Variants in CNTN5 observed in about 807,000 individuals in gnomAD.
CNTN5 encodes the protein contactin 5, also known as contactin-5.
In CNTN5, 77 loss-of-function variants were observed where a neutral mutation model predicts 129.1. That is an observed-to-expected ratio of 0.60 (90% CI 0.50 to 0.72). CNTN5 has a LOEUF of 0.72. Among genes scored for constraint, CNTN5 ranks in the 30% least tolerant of loss-of-function variants. The pLI is 0.00. For missense variants in CNTN5, 1,478 were observed against 1,328.8 expected, an observed-to-expected ratio of 1.11 and a Z score of -1.75; for synonymous variants, 509 against 465.6, an observed-to-expected ratio of 1.09 and a Z score of -1.20.
intron 1 of CNTN5, among the ~76,000 whole-genome samples, chr11:99,152,063 G>C (rs1285649721): frequency 6.6e-6 from 1 of 152,084 alleles, no homozygotes; most frequent in Non-Finnish European, 1.5e-5. Flanking sequence ...ATTGATATTG[G>C]AGAAATAATG....
chr11:99,170,915 C>A (rs1861117565), intron 1 of CNTN5, among the ~76,000 whole-genome samples: 1 of 152,096 alleles, frequency 6.6e-6, no homozygotes. Flanking sequence ...AATTTACAAC[C>A]TTTAGAAACA....
chr11:99,178,314 CCACACACACACACACACA>C (rs71046672), intron 1 of CNTN5, among the ~76,000 whole-genome samples: 12,514 of 125,576 alleles, frequency 0.1, 621 homozygotes, highest in African/African-American at 0.12. Flanking sequence ...GACCTCATCT[CCACACACACACACACACA>C]CACACACACA....
intron 13 of CNTN5, among the ~76,000 whole-genome samples, chr11:100,091,899 T>TGGA (rs1944801907): frequency 6.6e-6 from 1 of 152,126 alleles, no homozygotes; most frequent in Admixed American, 6.6e-5. Context: ...CTGCAGTTCC[T>TGGA]ACCTTATATG....
At chr11:99,293,141 GTTGAATGTTA>G (rs1380486585) in intron 1 of CNTN5, among the ~76,000 whole-genome samples, 35 of 151,946 alleles carry the variant, frequency 2.3e-4, no homozygotes, top group Non-Finnish European at 3.7e-4. Flanking sequence ...ATGAAGAGAT[GTTGAATGTTA>G]TTGAATGCCT....
intron 9 of CNTN5, among the ~76,000 whole-genome samples, chr11:100,048,893 T>A (rs1942820180): frequency 6.6e-6 from 1 of 151,920 alleles, no homozygotes; most frequent in South Asian, 2.1e-4. Context: ...AGATACAACA[T>A]AAACTAATTG....
intron 1 of CNTN5, among the ~76,000 whole-genome samples, chr11:99,035,520 T>C (rs1285763456): frequency 6.7e-6 from 1 of 149,766 alleles, no homozygotes; most frequent in Admixed American, 6.6e-5. Context: ...TTTACCATTA[T>C]GTAATGGCCT....
intron 3 of CNTN5, among the ~76,000 whole-genome samples, chr11:99,815,200 G>A (rs1356839699): frequency 1.3e-5 from 2 of 151,012 alleles, no homozygotes; most frequent in Admixed American, 6.6e-5. Flanking sequence ...CTTAAATGTA[G>A]CAAGGGGATG....
intron 3 of CNTN5, among the ~76,000 whole-genome samples, chr11:99,618,707 G>A (rs560282481): frequency 6.6e-6 from 1 of 152,042 alleles, no homozygotes; most frequent in Non-Finnish European, 1.5e-5. Context: ...GTTAACCTGG[G>A]ACTGTTGCTG....
intron 13 of CNTN5, among the ~76,000 whole-genome samples, chr11:100,176,742 A>T (rs1947978720): frequency 6.6e-6 from 1 of 152,068 alleles, no homozygotes; most frequent in African/African-American, 2.4e-5. Flanking sequence ...GGAATGGAAG[A>T]TGGAAGGGAG....
At chr11:99,720,531 C>T (rs752467770) in intron 3 of CNTN5, among the ~76,000 whole-genome samples, 5 of 152,066 alleles carry the variant, frequency 3.3e-5, no homozygotes, top group East Asian at 3.9e-4. Context: ...CTATGACAAA[C>T]CCCTGGCCAA....
intron 2 of CNTN5, among the ~76,000 whole-genome samples, chr11:99,410,022 G>A (rs1942317528): frequency 6.6e-6 from 1 of 152,188 alleles, no homozygotes; most frequent in African/African-American, 2.4e-5. Context: ...GTTTCTGGGA[G>A]TTATAAGGTG....
intron 1 of CNTN5, among the ~76,000 whole-genome samples, chr11:99,085,928 T>C (rs759733600): frequency 6.6e-6 from 1 of 152,140 alleles, no homozygotes; most frequent in African/African-American, 2.4e-5. Flanking sequence ...ATACTTACCA[T>C]TGTGTTCTAA....
At chr11:100,202,916 C>G (rs1948817208) in intron 15 of CNTN5, among the ~76,000 whole-genome samples, 1 of 151,898 alleles carries the variant, frequency 6.6e-6, no homozygotes, top group Non-Finnish European at 1.5e-5. Flanking sequence ...GAACGATGTT[C>G]CAAATCTGAT....
intron 1 of CNTN5, among the ~76,000 whole-genome samples, chr11:99,100,225 T>G (rs1866656934): frequency 6.6e-6 from 1 of 152,152 alleles, no homozygotes; most frequent in Admixed American, 6.5e-5. Flanking sequence ...TTTTTCTCTC[T>G]CTCTCTTTCT....
intron 2 of CNTN5, among the ~76,000 whole-genome samples, chr11:99,338,485 A>C (rs1403838256): frequency 6.6e-6 from 1 of 152,140 alleles, no homozygotes; most frequent in Non-Finnish European, 1.5e-5. Flanking sequence ...GGCAGAGAAC[A>C]GTTGTTCGTT....
At chr11:99,619,388 C>T (rs910786687) in intron 3 of CNTN5, among the ~76,000 whole-genome samples, 2 of 151,834 alleles carry the variant, frequency 1.3e-5, no homozygotes, top group Admixed American at 6.6e-5. Context: ...TCTGGTTTTT[C>T]GTTATGTTTC....
At chr11:99,124,800 A>G (rs1246362751) in intron 1 of CNTN5, among the ~76,000 whole-genome samples, 1 of 152,116 alleles carries the variant, frequency 6.6e-6, no homozygotes, top group Non-Finnish European at 1.5e-5. Context: ...CCGACCCCAA[A>G]TAAATACAAA....
At chr11:99,831,914 G>A (rs562074322) in intron 4 of CNTN5, among the ~76,000 whole-genome samples, 11 of 152,028 alleles carry the variant, frequency 7.2e-5, no homozygotes, top group Non-Finnish European at 1.2e-4. Context: ...GCAACTTCTC[G>A]TGTAGTCAGA....
At chr11:99,526,565 G>C (rs1377352505) in intron 2 of CNTN5, among the ~76,000 whole-genome samples, 1 of 152,170 alleles carries the variant, frequency 6.6e-6, no homozygotes, top group Non-Finnish European at 1.5e-5. Context: ...ATCTTCCTAG[G>C]TTGGAGCTGA....
Sources: allele counts gnomAD v4.1 joint callset (sites outside exome capture counted in the v4.1 genomes callset), GRCh38; gene constraint gnomAD v4.1.1; transcripts MANE v1.5; gene names NCBI Gene and HGNC (gene_info 2026-07-23, HGNC 2026-07-21).